ZNF821: variants seen among roughly 807,000 people sequenced by gnomAD.
ZNF821 encodes the protein zinc finger protein 821.
ZNF821 carries 16 observed loss-of-function variants against 44.3 expected under a neutral mutation model. That is an observed-to-expected ratio of 0.36 (90% CI 0.24 to 0.55). The LOEUF is 0.55. Among genes scored for constraint, ZNF821 ranks in the 20% least tolerant of loss-of-function variants. The pLI, the probability that ZNF821 is intolerant of heterozygous loss-of-function variation, is 0.86. For synonymous variants in ZNF821, 204 were observed against 197.6 expected, an observed-to-expected ratio of 1.03 and a Z score of -0.27; for missense variants, 436 against 547.6, an observed-to-expected ratio of 0.80 and a Z score of 2.03.
At chr16:71,891,137 A>C (rs2036883090) in intron 1 of ZNF821, among the ~76,000 whole-genome samples, 1 of 152,146 alleles carries the variant, frequency 6.6e-6, no homozygotes, top group Admixed American at 6.5e-5. Context: ...GCTGTACACA[A>C]AACAGGTTGG....
intron 6 of ZNF821, among the ~76,000 whole-genome samples, chr16:71,863,054 T>A (rs2034097232): frequency 6.6e-6 from 1 of 152,064 alleles, no homozygotes; most frequent in African/African-American, 2.4e-5. Flanking sequence ...CCACCACACC[T>A]GGATAATTTT....
intron 6 of ZNF821, among the ~76,000 whole-genome samples, 195 bp from the exon 7 acceptor site, chr16:71,862,137 C>T (rs1180926931): frequency 6.6e-6 from 1 of 152,204 alleles, no homozygotes; most frequent in Admixed American, 6.5e-5. Context: ...GCTTAGATTT[C>T]ATTAGCTTGA....
At chr16:71,877,746 C>G (rs1377233235) in intron 3 of ZNF821, among the ~76,000 whole-genome samples, 1 of 150,672 alleles carries the variant, frequency 6.6e-6, no homozygotes, top group Non-Finnish European at 1.5e-5. Flanking sequence ...TGGTGAAACC[C>G]CGTCTCTACA....
At chr16:71,866,609 C>G (rs2034573182) in intron 4 of ZNF821, among the ~76,000 whole-genome samples, 1 of 152,156 alleles carries the variant, frequency 6.6e-6, no homozygotes, top group African/African-American at 2.4e-5. Context: ...TATCTCGCTA[C>G]TAGAAAAATT....
chr16:71,881,489 T>C (rs1179859429), intron 2 of ZNF821: 1 of 152,234 alleles, frequency 6.6e-6, no homozygotes, highest in East Asian at 1.9e-4. Flanking sequence ...TAAAAATCAA[T>C]TTAAACTATT....
At chr16:71,866,928 A>C (rs937793526) in intron 4 of ZNF821, among the ~76,000 whole-genome samples, 5 of 152,214 alleles carry the variant, frequency 3.3e-5, no homozygotes, top group Admixed American at 3.3e-4. Context: ...TTCTGAATTC[A>C]TACTAATAAT....
chr16:71,887,503 C>T (rs776197669), upstream of ZNF821, among the ~76,000 whole-genome samples: 13 of 152,240 alleles, frequency 8.5e-5, no homozygotes, highest in East Asian at 3.9e-4. Context: ...CCTCGTGATC[C>T]GCCCGCCTCG....
chr16:71,891,717 T>C (rs2036886590), intron 1 of ZNF821, among the ~76,000 whole-genome samples: 1 of 152,174 alleles, frequency 6.6e-6, no homozygotes, highest in East Asian at 1.9e-4. Flanking sequence ...CTACTAAAAA[T>C]ACAAAAAATC....
chr16:71,861,897 AG>A lies in ZNF821; in HGVS notation c.462del (p.Cys155ValfsTer16). The A allele has an allele frequency of 6.2e-7, 1 of 1,614,222 alleles. No individual in the cohort carries two copies. The highest frequency in any genetic ancestry group is 8.5e-7 in the Non-Finnish European group (1 of 1,180,042). The stretch of plus-strand genomic sequence containing the variant: ...CCCGGGGAGCTAAGGGCCCGGCCAC[AG>A]ACAGGACACATGTAGCTCTTGGCGC... Reference protein sequence around the residue: ...VVSAKSYMCPVCGRALSSPGS... With the variant: ...VVSAKSYMCPXCGRALSSPGS... On this transcript the variant is annotated frameshift_variant, in exon 7 of 8. Transcript: ENST00000425432. LOFTEE classifies it high-confidence loss of function.
chr16:71,886,278 T>C (rs1417596710), upstream of ZNF821, among the ~76,000 whole-genome samples: 1 of 152,206 alleles, frequency 6.6e-6, no homozygotes, highest in Non-Finnish European at 1.5e-5. Flanking sequence ...CTGGCACCTA[T>C]AGTCCCAGCT....
At chr16:71,886,476 T>G (rs941156385), upstream of ZNF821, among the ~76,000 whole-genome samples, 1 of 152,256 alleles carries the variant, frequency 6.6e-6, no homozygotes, top group African/African-American at 2.4e-5. Flanking sequence ...CTTCACTTTT[T>G]TCTACTTTCC....
At chr16:71,870,246 G>C (rs1051350423) in intron 3 of ZNF821, among the ~76,000 whole-genome samples, 1 of 151,948 alleles carries the variant, frequency 6.6e-6, no homozygotes, top group Non-Finnish European at 1.5e-5. Context: ...GAATGGAGGT[G>C]GTTCATGTTA....
chr16:71,860,679 AG>A lies in ZNF821; in HGVS notation c.585-8del. On this transcript the variant is annotated splice_region_variant and splice_polypyrimidine_tract_variant and intron_variant, in intron 7 of 7. Coordinates refer to ENST00000425432, the MANE Select transcript of ZNF821 (RefSeq NM_001201552.2). This position sits in a 1 kb window ranked among gnomAD's most constrained non-coding sequence, Gnocchi z 7.3. ...TACTTCAGGAAGTTTCTCACTGGAA[AG>A]GAAACATTTTGGATGGTTAGTGTTT... 6.2e-7 allele frequency: 1 copy of A among 1,609,776 alleles called. No individual in the cohort carries two copies. The highest frequency in any genetic ancestry group is 8.5e-7 in the Non-Finnish European group (1 of 1,178,120).
chr16:71,861,996 C>T, intron 6 of ZNF821, 54 bp from the exon 7 acceptor site: 1 of 1,588,278 alleles, frequency 6.3e-7, no homozygotes, highest in Admixed American at 1.7e-5. Context: ...GGACAATCTG[C>T]ACCCACTTAG....
intron 1 of ZNF821, chr16:71,893,847 A>G (rs1597223307): frequency 6.9e-6 from 1 of 145,936 alleles, no homozygotes; most frequent in African/African-American, 2.6e-5. Flanking sequence ...GCTCACTGCA[A>G]CCTCCGCCTT....
intron 2 of ZNF821, among the ~76,000 whole-genome samples, chr16:71,882,660 C>T (rs2036551934): frequency 6.6e-6 from 1 of 152,178 alleles, no homozygotes; most frequent in African/African-American, 2.4e-5. Flanking sequence ...TAAGCAATTA[C>T]AGTCCCCTCC....
intron 1 of ZNF821, chr16:71,894,547 T>G: frequency 2.2e-5 from 6 of 268,960 alleles, no homozygotes; most frequent in Admixed American, 5.3e-5. Flanking sequence ...CACCCGGCCC[T>G]TTTTCTTTTT....
chr16:71,868,904 C>T (rs570837432), intron 3 of ZNF821, among the ~76,000 whole-genome samples: 1 of 152,162 alleles, frequency 6.6e-6, no homozygotes, highest in South Asian at 2.1e-4. Flanking sequence ...CCTCATGATC[C>T]GCCCGCCTCG....
rs559527367 is a variant in ZNF821 at position 71,877,777 on chromosome 16, G to A, written c.40+2130C>T. Among the ~76,000 whole-genome samples, 5 of 150,964 alleles carry A rather than the reference G, an allele frequency of 3.3e-5. No individual in the cohort carries two copies. The East Asian group carries it at 5.9e-4, about 18-fold the overall frequency. On this transcript the variant is annotated intron_variant, in intron 3 of 7. Transcript: ENST00000425432. ...CTACAAAAAATACAAATATTTAGCC[G>A]GGCGTGGTGGCATGCACCTGTAGTC...
Sources: allele counts gnomAD v4.1 joint callset (sites outside exome capture counted in the v4.1 genomes callset), GRCh38; gene constraint gnomAD v4.1.1; non-coding constraint Gnocchi (gnomAD v3.1); transcripts MANE v1.5; gene names NCBI Gene and HGNC (gene_info 2026-07-23, HGNC 2026-07-21).